The following COG6 variants were observed in gnomAD, a reference collection of about 807,000 sequenced individuals.
COG6 encodes the protein component of oligomeric golgi complex 6.
In COG6, 74 loss-of-function variants were observed where a neutral mutation model predicts 88.8. That is an observed-to-expected ratio of 0.83 (90% CI 0.69 to 1.01). COG6 has a LOEUF of 1.01. COG6 is among the 50% of genes least tolerant of loss of function. The pLI is 0.00. For synonymous variants in COG6, 286 were observed against 278.7 expected, an observed-to-expected ratio of 1.03 and a Z score of -0.26; for missense variants, 800 against 797.9, an observed-to-expected ratio of 1.00 and a Z score of -0.03.
At chr13:39,763,885 G>C (rs1881092675) in intron 18 of COG6, among the ~76,000 whole-genome samples, 1 of 151,652 alleles carries the variant, frequency 6.6e-6, no homozygotes, top group Non-Finnish European at 1.5e-5. Context: ...TTTGTTTAAA[G>C]GTCTTTGTCA....
In COG6 at chr13:39,751,549, T is replaced by A; in HGVS notation, c.*456T>A. The A allele has an allele frequency of 7.8e-7, 1 of 1,287,208 alleles. No individual in the cohort carries two copies. The highest frequency in any genetic ancestry group is 1.0e-6 in the Non-Finnish European group (1 of 988,686). 79.7% of individuals were successfully genotyped at this position (1,287,208 alleles called of 1,614,324 possible). The stretch of plus-strand genomic sequence containing the variant: ...ATATGAGTAGGCATACTTAGTAGCT[T>A]TTCTGAACCTAGCCTATGTCTCTGT... On this transcript the variant is annotated 3_prime_UTR_variant, in exon 19 of 19. Transcript: ENST00000455146.
intron 3 of COG6, 109 bp from the exon 4 acceptor site, chr13:39,664,987 A>G (rs1875157315): frequency 1.4e-6 from 1 of 689,910 alleles, no homozygotes; most frequent in African/African-American, 1.8e-5. Context: ...TGAGTTCCAT[A>G]GAGTGATCTC....
chr13:39,692,789 G>A (rs1877055141), intron 11 of COG6, among the ~76,000 whole-genome samples: 1 of 151,966 alleles, frequency 6.6e-6, no homozygotes. Flanking sequence ...TGCCTTTATG[G>A]TTGATGCTGC....
chr13:39,786,285 G>A (rs1881770807), intron 18 of COG6, among the ~76,000 whole-genome samples: 1 of 152,224 alleles, frequency 6.6e-6, no homozygotes, highest in African/African-American at 2.4e-5. Context: ...CTCTGCGGCA[G>A]CATGAATAGC....
At chr13:39,766,843 C>T (rs1006530574) in intron 18 of COG6, among the ~76,000 whole-genome samples, 30 of 152,062 alleles carry the variant, frequency 2.0e-4, no homozygotes, top group African/African-American at 6.8e-4. Flanking sequence ...TACTTTTTTG[C>T]GCTTCTGAAC....
intron 18 of COG6, among the ~76,000 whole-genome samples, chr13:39,744,826 G>A (rs1464997244): frequency 1.3e-5 from 2 of 152,168 alleles, no homozygotes; most frequent in East Asian, 1.9e-4. Flanking sequence ...AAAGCTGGAG[G>A]CATCACGCTA....
chr13:39,691,317 T>G (rs914890259), intron 11 of COG6, among the ~76,000 whole-genome samples: 7 of 152,098 alleles, frequency 4.6e-5, no homozygotes, highest in African/African-American at 1.7e-4. Context: ...TGTTTTAAAA[T>G]GTACTTAGAA....
intron 8 of COG6, among the ~76,000 whole-genome samples, chr13:39,686,764 C>G (rs1298807624): frequency 6.6e-6 from 1 of 152,100 alleles, no homozygotes; most frequent in Non-Finnish European, 1.5e-5. Context: ...GGGTCTTGCT[C>G]TGTGGCTCAG....
chr13:39,780,547 C>T (rs1881599128), intron 18 of COG6, among the ~76,000 whole-genome samples: 1 of 152,104 alleles, frequency 6.6e-6, no homozygotes, highest in South Asian at 2.1e-4. Context: ...AAAAGAAACC[C>T]CATGGGTTCT....
Position 39,719,290 on chromosome 13 carries a change from ATG to A in COG6, c.1341_1342del (p.Met447IlefsTer4). ...AAGTTCTGCACTAAATCAGACACTC[ATG>A]TTGCTGCGTGAAGTTTTAGCATCTC... ...GPSSALNQTL[M>X]LLREVLASHD... is the part of the protein sequence containing the mutation. On this transcript the variant is annotated frameshift_variant, in exon 14 of 19. Transcript: ENST00000455146. LOFTEE classifies it high-confidence loss of function. 6.2e-7 allele frequency: 1 copy of A among 1,612,868 alleles called. No homozygotes were observed.
intron 13 of COG6, among the ~76,000 whole-genome samples, chr13:39,711,884 G>T (rs1259014582): frequency 6.6e-6 from 1 of 152,108 alleles, no homozygotes; most frequent in Non-Finnish European, 1.5e-5. Context: ...TTTTGAGATT[G>T]AGTCTCGCTC....
chr13:39,669,859 G>GC (rs754230711), intron 4 of COG6, among the ~76,000 whole-genome samples: 143 of 152,254 alleles, frequency 9.4e-4, no homozygotes, highest in Admixed American at 1.8e-3. Flanking sequence ...GATATGATGT[G>GC]CCAAGTGAAC....
chr13:39,749,382 A>G (rs1880506597), intron 18 of COG6, among the ~76,000 whole-genome samples: 1 of 152,236 alleles, frequency 6.6e-6, no homozygotes, highest in Non-Finnish European at 1.5e-5. Context: ...GACATGAACA[A>G]CATGTATTTC....
Position 39,694,704 on chromosome 13 carries a change from A to G in COG6, c.1145A>G (p.Lys382Arg), listed in dbSNP as rs139371264. ...TTATATAAAATTTCTAATCTCCTCAAATTTTATCACCATACAATCAGGTAA... is the reference window on the plus strand; with the variant it reads ...TTATATAAAATTTCTAATCTCCTCAGATTTTATCACCATACAATCAGGTAA... ...VLLYKISNLL[K>R]FYHHTISGIV... The change falls in exon 12 of 19, where the codon AAA becomes AGA. Residue 382 changes from lysine to arginine, a missense_variant. Lys to Arg is a conservative substitution (Grantham distance 26, BLOSUM62 2). Coordinates refer to ENST00000455146, the MANE Select transcript of COG6 (RefSeq NM_020751.3). 2.2e-4 allele frequency: 340 copies of G among 1,580,482 alleles called. 1 individual carries two copies. The highest frequency in any genetic ancestry group is 1.7e-3 in the African/African-American group (123 of 74,038).
At chr13:39,688,010 T>G (rs1876765408) in intron 10 of COG6, among the ~76,000 whole-genome samples, 1 of 152,332 alleles carries the variant, frequency 6.6e-6, no homozygotes, top group Middle Eastern at 3.4e-3. Flanking sequence ...AACTGTTCAG[T>G]TTTATAGTGA....
In COG6 at chr13:39,790,976, T is replaced by C. The variant is rs144731224; in HGVS notation, c.*2620T>C. 18 of 152,210 alleles carry C rather than the reference T, an allele frequency of 1.2e-4. No homozygotes were observed. The East Asian group carries it at 3.5e-3, about 29-fold the overall frequency. 9.4% of individuals were successfully genotyped at this position (152,210 alleles called of 1,614,324 possible). On this transcript the variant is annotated 3_prime_UTR_variant, in exon 19 of 19. Coordinates refer to the COG6 transcript ENST00000416691. ...AATTATATCACCTATAAAAATAATG[T>C]TGCCACCTTAAATTAAGAAAATGTT...
intron 18 of COG6, among the ~76,000 whole-genome samples, chr13:39,781,862 C>A (rs1881640572): frequency 6.6e-6 from 1 of 152,154 alleles, no homozygotes; most frequent in Admixed American, 6.5e-5. Context: ...AATAATCTAA[C>A]AAATGATTTT....
chr13:39,763,190 T>G (rs949513352), intron 18 of COG6, among the ~76,000 whole-genome samples: 2 of 151,870 alleles, frequency 1.3e-5, no homozygotes, highest in Admixed American at 6.6e-5. Context: ...TTTTGTATGT[T>G]TTTGTATATT....
chr13:39,660,676 A>C (rs964368379), intron 2 of COG6, 134 bp from the exon 3 acceptor site: 5 of 649,296 alleles, frequency 7.7e-6, no homozygotes, highest in Admixed American at 2.7e-5. Flanking sequence ...TTCCAATTTT[A>C]AATATGGGAT....
Sources: gnomAD v4.1 joint callset for allele counts (sites outside exome capture counted in the v4.1 genomes callset) on GRCh38, gnomAD v4.1.1 for gene constraint, MANE v1.5 for transcripts, NCBI Gene and HGNC (gene_info 2026-07-23, HGNC 2026-07-21) for gene names.